Variants in RLN2 observed in about 807,000 individuals in gnomAD.
The protein encoded by RLN2 is relaxin 2.
In RLN2, 10 loss-of-function variants were observed where a neutral mutation model predicts 7.3. That is an observed-to-expected ratio of 1.36 (90% CI 0.84 to 2.31). RLN2 has a LOEUF of 2.31. RLN2 is among the 30% of genes most tolerant of loss of function. The pLI is 0.00. For missense variants in RLN2, 298 were observed against 217.6 expected, an observed-to-expected ratio of 1.37 and a Z score of -2.32; for synonymous variants, 103 against 82.3, an observed-to-expected ratio of 1.25 and a Z score of -1.36.
chr9:5,312,964 C>A, the RLN2 span, among the ~76,000 whole-genome samples: 6 of 151,846 alleles, frequency 4.0e-5, no homozygotes, highest in Non-Finnish European at 8.8e-5. Flanking sequence ...TTTCAATTTT[C>A]TTAAATTTGT....
At chr9:5,315,432 A>C in the RLN2 span, among the ~76,000 whole-genome samples, 2 of 151,882 alleles carry the variant, frequency 1.3e-5, no homozygotes, top group Admixed American at 1.3e-4. Context: ...AAAAGTGTGA[A>C]GACAGCCAAT....
Position 5,300,063 on chromosome 9 carries a change from GAAT to G in RLN2, c.*32_*34del. On this transcript the variant is annotated 3_prime_UTR_variant, in exon 2 of 2. Transcript: ENST00000381627. ...GTGAAATGTCATTAAGAATATGTGT[GAAT>G]ATTATACGAGATGTGCACAATTAGC... 2.3e-6 allele frequency: 3 copies of G among 1,303,768 alleles called. No homozygotes were observed. Among genetic ancestry groups the G allele is most frequent in the Non-Finnish European group, 3.2e-6 (3 of 928,996 alleles). 80.8% of individuals were successfully genotyped at this position (1,303,768 alleles called of 1,614,324 possible). A position where few individuals can be genotyped will look rare whatever the true frequency, so the allele number is the denominator to read the frequency against.
upstream of RLN2, among the ~76,000 whole-genome samples, chr9:5,306,897 A>G (rs572686706): frequency 5.3e-5 from 8 of 152,204 alleles, no homozygotes; most frequent in African/African-American, 1.9e-4. Flanking sequence ...AGCAGTGTCT[A>G]TGTGACACAG....
the RLN2 span, among the ~76,000 whole-genome samples, chr9:5,315,424 A>T: frequency 6.6e-6 from 1 of 151,868 alleles, no homozygotes; most frequent in East Asian, 1.9e-4. Context: ...AAAAAACGAA[A>T]AGTGTGAAGA....
the RLN2 span, among the ~76,000 whole-genome samples, chr9:5,320,689 T>A: frequency 1.3e-5 from 2 of 152,084 alleles, no homozygotes; most frequent in Non-Finnish European, 2.9e-5. Flanking sequence ...ATAATTTAAA[T>A]GAAACATTTT....
chr9:5,301,976 TA>T (rs1228794786), intron 1 of RLN2, among the ~76,000 whole-genome samples: 2 of 152,218 alleles, frequency 1.3e-5, no homozygotes, highest in Non-Finnish European at 2.9e-5. Context: ...TAAGACATCC[TA>T]AGTTTAATTC....
At chr9:5,323,516 T>C in the RLN2 span, among the ~76,000 whole-genome samples, 1 of 151,968 alleles carries the variant, frequency 6.6e-6, no homozygotes, top group South Asian at 2.1e-4. Flanking sequence ...TTCCCTTTTC[T>C]TTAGAGTTGT....
chr9:5,323,635 T>A, the RLN2 span, among the ~76,000 whole-genome samples: 3 of 152,138 alleles, frequency 2.0e-5, no homozygotes, highest in African/African-American at 7.2e-5. Context: ...TAGAAATGAA[T>A]TGATTTTCAG....
At chr9:5,315,998 T>C in the RLN2 span, among the ~76,000 whole-genome samples, 2 of 151,948 alleles carry the variant, frequency 1.3e-5, no homozygotes, top group Non-Finnish European at 2.9e-5. Flanking sequence ...AATATGAAGA[T>C]ATAAGAGAGT....
the RLN2 span, among the ~76,000 whole-genome samples, chr9:5,319,264 C>G: frequency 3.3e-5 from 5 of 151,232 alleles, no homozygotes; most frequent in African/African-American, 1.2e-4. Context: ...ATACAGGAAG[C>G]CTACATGACT....
At chr9:5,332,581 T>C in the RLN2 span, among the ~76,000 whole-genome samples, 15 of 151,580 alleles carry the variant, frequency 9.9e-5, 1 homozygote, top group Non-Finnish European at 1.8e-4. Context: ...CAATACTTGA[T>C]GCTTTGTTAT....
the RLN2 span, among the ~76,000 whole-genome samples, chr9:5,316,647 T>A: frequency 1.3e-5 from 2 of 152,100 alleles, no homozygotes; most frequent in Non-Finnish European, 2.9e-5. Context: ...GGCTGCATAG[T>A]ATTCCATGGT....
the RLN2 span, among the ~76,000 whole-genome samples, chr9:5,328,705 C>A: frequency 2.0e-5 from 3 of 151,978 alleles, no homozygotes; most frequent in Non-Finnish European, 2.9e-5. Context: ...AGACTAACAG[C>A]GGATCTCTCG....
chr9:5,331,667 G>T, the RLN2 span, among the ~76,000 whole-genome samples: 2 of 151,118 alleles, frequency 1.3e-5, no homozygotes, highest in South Asian at 2.1e-4. Flanking sequence ...GGGCATCTAG[G>T]GGGGTGGGGG....
At chr9:5,320,310 T>C in the RLN2 span, among the ~76,000 whole-genome samples, 2 of 151,444 alleles carry the variant, frequency 1.3e-5, no homozygotes, top group African/African-American at 4.9e-5. Context: ...AATTAAACTT[T>C]ACAATTCTGA....
rs558994650 is a variant in RLN2, at chr9:5,304,696, C to G, written c.-116G>C. 4.1e-5 allele frequency: 44 copies of G among 1,068,146 alleles called. No homozygotes were observed. The highest frequency in any genetic ancestry group is 6.2e-5 in the Non-Finnish European group (44 of 715,332). The allele number at this position is 1,068,146 out of a possible 1,614,324, so 66.2% of individuals were successfully genotyped here. On this transcript the variant is annotated 5_prime_UTR_variant, in exon 1 of 2. Coordinates refer to ENST00000381627, the MANE Select transcript of RLN2 (RefSeq NM_134441.3). ...CCCGGGCTTTAGGCTGCTTTCCCTA[C>G]CCGGCTCAAGCGGTCTTTTGTATCC...
the RLN2 span, among the ~76,000 whole-genome samples, chr9:5,320,815 G>A: frequency 6.6e-6 from 1 of 152,050 alleles, no homozygotes; most frequent in Non-Finnish European, 1.5e-5. Flanking sequence ...AAGAAAGATA[G>A]TTCTGTCTTC....
chr9:5,336,892 C>A, the RLN2 span, among the ~76,000 whole-genome samples: 3 of 151,968 alleles, frequency 2.0e-5, no homozygotes, highest in Admixed American at 2.0e-4. Flanking sequence ...AGCGGTAGTT[C>A]TGGGGCTGAT....
At chr9:5,319,025 T>C in the RLN2 span, among the ~76,000 whole-genome samples, 22 of 152,142 alleles carry the variant, frequency 1.4e-4, no homozygotes, top group East Asian at 4.1e-3. Flanking sequence ...TATAGTGAGA[T>C]ACATTCTCCT....
Sources: gnomAD v4.1 joint callset for allele counts (sites outside exome capture counted in the v4.1 genomes callset) on GRCh38, gnomAD v4.1.1 for gene constraint, MANE v1.5 for transcripts, NCBI Gene and HGNC (gene_info 2026-07-23, HGNC 2026-07-21) for gene names.